SDK1: variants seen among roughly 807,000 people sequenced by gnomAD.
The protein encoded by SDK1 is sidekick cell adhesion molecule 1.
A neutral mutation model predicts 245.5 loss-of-function variants in SDK1; 157 were observed. The observed-to-expected ratio is 0.64, with a 90% CI of 0.56 to 0.73. SDK1 has a LOEUF of 0.73. SDK1 is among the 30% of genes least tolerant of loss of function. SDK1 has a pLI of 0.00. For missense variants in SDK1, 3,583 were observed against 3,002.3 expected, an observed-to-expected ratio of 1.19 and a Z score of -4.52; for synonymous variants, 1,647 against 1,278.5, an observed-to-expected ratio of 1.29 and a Z score of -6.15.
chr7:3,483,393 G>T (rs1321738743), intron 1 of SDK1, among the ~76,000 whole-genome samples: 1 of 152,216 alleles, frequency 6.6e-6, no homozygotes, highest in Non-Finnish European at 1.5e-5. Flanking sequence ...TATTGAAGAT[G>T]TAAGAAGGCT....
intron 1 of SDK1, among the ~76,000 whole-genome samples, chr7:3,431,305 G>C (rs1779838040): frequency 1.3e-5 from 2 of 149,546 alleles, no homozygotes; most frequent in African/African-American, 2.5e-5. Flanking sequence ...TGCCACCAAA[G>C]AGCTGTGATA....
At chr7:3,879,165 C>A (rs1406149473) in intron 5 of SDK1, among the ~76,000 whole-genome samples, 1 of 152,094 alleles carries the variant, frequency 6.6e-6, no homozygotes, top group East Asian at 1.9e-4. Context: ...ACGATCCACA[C>A]CACTGAATAT....
intron 4 of SDK1, among the ~76,000 whole-genome samples, chr7:3,688,002 C>G (rs1056791879): frequency 6.6e-6 from 1 of 152,234 alleles, no homozygotes; most frequent in Middle Eastern, 3.4e-3. Flanking sequence ...AGAGAAGGTT[C>G]TATTTCCAAA....
intron 40 of SDK1, among the ~76,000 whole-genome samples, chr7:4,225,376 CA>C (rs1355814619): frequency 6.6e-6 from 1 of 152,210 alleles, no homozygotes; most frequent in Non-Finnish European, 1.5e-5. Context: ...CGGACAAGCA[CA>C]CCAATGTGTC....
chr7:3,676,211 G>A (rs981557595), intron 4 of SDK1, among the ~76,000 whole-genome samples: 1 of 151,762 alleles, frequency 6.6e-6, no homozygotes, highest in Non-Finnish European at 1.5e-5. Flanking sequence ...TGGAGACGGG[G>A]TCTCACTATG....
At chr7:3,851,056 C>G (rs1780408094) in intron 5 of SDK1, among the ~76,000 whole-genome samples, 1 of 151,970 alleles carries the variant, frequency 6.6e-6, no homozygotes, top group East Asian at 1.9e-4. Context: ...CCTCTGAGTT[C>G]TTGACCAAAC....
chr7:3,673,930 TA>T (rs1783804377), intron 4 of SDK1, among the ~76,000 whole-genome samples: 1 of 152,214 alleles, frequency 6.6e-6, no homozygotes, highest in Non-Finnish European at 1.5e-5. Flanking sequence ...CAAATTTTAT[TA>T]AAAATAAATA....
intron 4 of SDK1, among the ~76,000 whole-genome samples, chr7:3,754,147 A>T (rs549769805): frequency 1.1e-4 from 16 of 152,276 alleles, no homozygotes; most frequent in African/African-American, 3.8e-4. Flanking sequence ...TGGCTCTTGG[A>T]GAGGTTTTTA....
intron 1 of SDK1, among the ~76,000 whole-genome samples, chr7:3,566,182 A>G (rs961547003): frequency 6.6e-6 from 1 of 151,340 alleles, no homozygotes; most frequent in African/African-American, 2.4e-5. Context: ...ATTAAACCCC[A>G]GCATTTTTAT....
intron 1 of SDK1, among the ~76,000 whole-genome samples, chr7:3,375,226 A>T (rs1781325182): frequency 1.3e-5 from 2 of 152,192 alleles, no homozygotes; most frequent in Non-Finnish European, 2.9e-5. Context: ...TTAGAAAACA[A>T]ACACTAGTGG....
intron 22 of SDK1, among the ~76,000 whole-genome samples, chr7:4,091,516 T>A (rs1781801713): frequency 6.6e-6 from 1 of 151,820 alleles, no homozygotes; most frequent in African/African-American, 2.4e-5. Context: ...CTAATTTTTG[T>A]ATTTTTGGTA....
chr7:3,446,950 G>GA (rs536248384), intron 1 of SDK1, among the ~76,000 whole-genome samples: 140 of 151,880 alleles, frequency 9.2e-4, no homozygotes, highest in African/African-American at 3.2e-3. Context: ...GAAAAAGGTT[G>GA]AAAAAAAATA....
intron 1 of SDK1, among the ~76,000 whole-genome samples, chr7:3,457,797 G>A (rs770773525): frequency 2.6e-5 from 4 of 152,072 alleles, no homozygotes; most frequent in Non-Finnish European, 5.9e-5. Flanking sequence ...TGTCTCCTTT[G>A]TTGTTACCCT....
In SDK1 at chr7:3,722,137, C is replaced by T. The variant is rs1778829170; in HGVS notation, c.713+80032C>T. Among the ~76,000 whole-genome samples the T allele has an allele frequency of 2.0e-5, 3 of 152,076 alleles. 1 individual carries two copies. The South Asian group carries it at 6.2e-4, about 31-fold the overall frequency. The stretch of plus-strand genomic sequence containing the variant: ...TCTAGTGATCTTCCTTCCTTGGACT[C>T]CCAAAGTGCTGGAATTACAGATGTG... On this transcript the variant is annotated intron_variant, in intron 4 of 44. Coordinates refer to ENST00000404826, the MANE Select transcript of SDK1 (RefSeq NM_152744.4).
Position 4,077,103 on chromosome 7 carries a change from CCACCTA to C in SDK1, c.3121_3126del (p.Tyr1041_Thr1042del). The C allele has an allele frequency of 6.2e-7, 1 of 1,614,238 alleles. No homozygotes were observed. The highest frequency in any genetic ancestry group is 8.5e-7 in the Non-Finnish European group (1 of 1,180,050). ...AAGATCCAAGGCCTCTCATCTCTCA[CCACCTA>C]CACCATCGACGTGGCCGCTGTGACT... On this transcript the variant is annotated inframe_deletion, in exon 21 of 45. Coordinates refer to ENST00000404826, the MANE Select transcript of SDK1 (RefSeq NM_152744.4).
chr7:3,970,167 C>G (rs1425088627), intron 11 of SDK1, among the ~76,000 whole-genome samples: 3 of 152,224 alleles, frequency 2.0e-5, no homozygotes, highest in Non-Finnish European at 4.4e-5. Context: ...AGAATGCTCA[C>G]TCAGATTTTT....
chr7:4,175,652 C>G, intron 33 of SDK1, 123 bp from the exon 34 acceptor site: 2 of 818,074 alleles, frequency 2.4e-6, no homozygotes, highest in Non-Finnish European at 4.3e-6. Context: ...CCCCGGGAGG[C>G]GCAGCGTGGG....
intron 35 of SDK1, among the ~76,000 whole-genome samples, chr7:4,201,836 G>A (rs1335490085): frequency 6.6e-6 from 1 of 151,294 alleles, no homozygotes; most frequent in Non-Finnish European, 1.5e-5. Context: ...AGCATGGCAT[G>A]GGGTGGCTTT....
chr7:3,814,838 A>G (rs1209162016), intron 4 of SDK1, among the ~76,000 whole-genome samples: 3 of 151,472 alleles, frequency 2.0e-5, no homozygotes, highest in Admixed American at 6.6e-5. Flanking sequence ...CATCCCTTGT[A>G]AGGTGGATTC....
Sources: gnomAD v4.1 joint callset for allele counts (sites outside exome capture counted in the v4.1 genomes callset) on GRCh38, gnomAD v4.1.1 for gene constraint, MANE v1.5 for transcripts, NCBI Gene and HGNC (gene_info 2026-07-23, HGNC 2026-07-21) for gene names.